Variants in ADAMTS12 observed in about 807,000 individuals in gnomAD.
ADAMTS12 encodes the protein A disintegrin and metalloproteinase with thrombospondin motifs 12.
Under a neutral mutation model 167.8 loss-of-function variants are expected in ADAMTS12, and 118 were observed. The observed-to-expected ratio is 0.70, with a 90% CI of 0.61 to 0.82. The LOEUF is 0.82. Ranked by LOEUF, ADAMTS12 falls within the 40% of genes least tolerant of loss-of-function variation. The pLI, the probability that ADAMTS12 is intolerant of heterozygous loss-of-function variation, is 0.00. For synonymous variants in ADAMTS12, 704 were observed against 716.9 expected, an observed-to-expected ratio of 0.98 and a Z score of 0.29; for missense variants, 1,916 against 1,998.8, an observed-to-expected ratio of 0.96 and a Z score of 0.79.
At chr5:33,764,937 C>T (rs929006201) in intron 2 of ADAMTS12, among the ~76,000 whole-genome samples, 4 of 151,968 alleles carry the variant, frequency 2.6e-5, no homozygotes, top group South Asian at 4.1e-4. Context: ...TTTAAAGCAG[C>T]GCTATTCTGC....
intron 2 of ADAMTS12, among the ~76,000 whole-genome samples, chr5:33,753,228 A>G (rs1745057308): frequency 6.6e-6 from 1 of 152,362 alleles, no homozygotes; most frequent in African/African-American, 2.4e-5. Context: ...TTAACTACCA[A>G]CGCCAATAGC....
chr5:33,790,782 C>CATATATATATATATAT (rs10622464), intron 2 of ADAMTS12, among the ~76,000 whole-genome samples: 164 of 133,990 alleles, frequency 1.2e-3, no homozygotes, highest in African/African-American at 4.5e-3. Flanking sequence ...GACATACAAA[C>CATATATATATATATAT]ATATATATAT....
chr5:33,585,182 G>A (rs1747284218), intron 18 of ADAMTS12, among the ~76,000 whole-genome samples: 1 of 152,044 alleles, frequency 6.6e-6, no homozygotes, highest in South Asian at 2.1e-4. Flanking sequence ...TTATTTTAAA[G>A]CTCTCATTGG....
chr5:33,561,084 A>C lies in ADAMTS12; in HGVS notation c.4068T>G (p.Pro1356=). Reference sequence around the variant, plus strand: ...AGGGACGGAGGTGGCATCTTTTTGCAGGGTCAGGTCTCTGGATGGCCGCAC... The same window carrying C: ...AGGGACGGAGGTGGCATCTTTTTGCCGGGTCAGGTCTCTGGATGGCCGCAC... ...SDCAAIQRPD[P]AKRCHLRPCA... The change falls in exon 20 of 24, where the codon CCT becomes CCG. Residue 1356 remains proline (P), a synonymous_variant. Transcript: ENST00000504830. 1 of 1,614,128 alleles carries C rather than the reference A, an allele frequency of 6.2e-7. No homozygotes were observed. Among genetic ancestry groups the C allele is most frequent in the Non-Finnish European group, 8.5e-7 (1 of 1,180,014 alleles).
chr5:33,860,263 T>C (rs1042582468), intron 2 of ADAMTS12, among the ~76,000 whole-genome samples: 1 of 151,882 alleles, frequency 6.6e-6, no homozygotes, highest in Non-Finnish European at 1.5e-5. Context: ...CTAAGAACCT[T>C]AAAAAAAGGT....
chr5:33,796,446 A>T (rs978147631), intron 2 of ADAMTS12, among the ~76,000 whole-genome samples: 1 of 152,208 alleles, frequency 6.6e-6, no homozygotes, highest in Non-Finnish European at 1.5e-5. Flanking sequence ...ATTTCATTTT[A>T]AAATTATGTA....
intron 11 of ADAMTS12, among the ~76,000 whole-genome samples, chr5:33,638,541 T>G (rs1740296728): frequency 1.3e-5 from 2 of 152,212 alleles, no homozygotes; most frequent in Non-Finnish European, 2.9e-5. Flanking sequence ...TCCACATGTC[T>G]ACATACTGCT....
intron 2 of ADAMTS12, among the ~76,000 whole-genome samples, chr5:33,856,097 T>C (rs542118536): frequency 3.9e-5 from 6 of 152,298 alleles, no homozygotes; most frequent in Middle Eastern, 6.8e-3. Context: ...TCACTGGAGA[T>C]AGAAGCAAAA....
chr5:33,679,671 G>T (rs978976267), intron 5 of ADAMTS12, among the ~76,000 whole-genome samples: 2 of 152,088 alleles, frequency 1.3e-5, no homozygotes, highest in Non-Finnish European at 2.9e-5. Context: ...CTATACTCAT[G>T]CCAATCTCAA....
intron 2 of ADAMTS12, among the ~76,000 whole-genome samples, chr5:33,842,641 G>C (rs13184475): frequency 0.22 from 33,458 of 152,188 alleles, 4,261 homozygotes; most frequent in Middle Eastern, 0.3. Flanking sequence ...GGGGCAGCTG[G>C]AAAAACAGAG....
In ADAMTS12 at chr5:33,826,648, T is replaced by C. The variant is rs545905218; in HGVS notation, c.489+54471A>G. Among the ~76,000 whole-genome samples, 7 of 152,018 alleles carry C rather than the reference T, an allele frequency of 4.6e-5. No individual in the cohort carries two copies. The South Asian group carries it at 1.5e-3, about 32-fold the overall frequency. On this transcript the variant is annotated intron_variant, in intron 2 of 23. Transcript: ENST00000504830. ...TTTGAAAACATAGAAATATTCTTGA[T>C]GAAAATGTGTACCACTGCCCATTAT...
intron 2 of ADAMTS12, chr5:33,840,300 G>C (rs1748701215): frequency 6.6e-6 from 1 of 152,230 alleles, no homozygotes; most frequent in East Asian, 1.9e-4. Flanking sequence ...CTCACTGTAT[G>C]TATTCAAATT....
At chr5:33,533,591 AG>A (rs1194316010) in intron 23 of ADAMTS12, among the ~76,000 whole-genome samples, 1 of 152,200 alleles carries the variant, frequency 6.6e-6, no homozygotes, top group Non-Finnish European at 1.5e-5. Flanking sequence ...AATGAGCTCT[AG>A]GTGGTTTCTT....
rs1165924119 is a variant in ADAMTS12 at position 33,649,844 on chromosome 5, G to A, written c.1191-147C>T. On this transcript the variant is annotated intron_variant, in intron 7 of 23. Transcript: ENST00000504830. The stretch of plus-strand genomic sequence containing the variant: ...GTTTGCAAAGTGAGACTTTGAAGTC[G>A]GAGGGGCATAGCTAATTTTCAAATG... 1.0e-5 allele frequency: 11 copies of A among 1,048,448 alleles called. No individual in the cohort carries two copies. In the East Asian group the frequency reaches 1.1e-4, roughly 10 times the overall value. The allele number at this position is 1,048,448 out of a possible 1,614,324, so 64.9% of individuals were successfully genotyped here.
At chr5:33,826,977 A>C (rs1748093654) in intron 2 of ADAMTS12, among the ~76,000 whole-genome samples, 1 of 151,900 alleles carries the variant, frequency 6.6e-6, no homozygotes, top group Non-Finnish European at 1.5e-5. Flanking sequence ...ATGAATACTA[A>C]AATTTAATGA....
chr5:33,820,550 C>T (rs758446936), intron 2 of ADAMTS12, among the ~76,000 whole-genome samples: 9 of 152,088 alleles, frequency 5.9e-5, no homozygotes, highest in Non-Finnish European at 8.8e-5. Context: ...GCCAGTAGAA[C>T]TGAAGTCGGT....
chr5:33,747,558 G>A (rs1744834517), intron 3 of ADAMTS12, among the ~76,000 whole-genome samples: 1 of 152,100 alleles, frequency 6.6e-6, no homozygotes, highest in Admixed American at 6.6e-5. Flanking sequence ...CCAGTACTGG[G>A]AATATCTATG....
At chr5:33,815,644 A>G (rs1320290838) in intron 2 of ADAMTS12, among the ~76,000 whole-genome samples, 1 of 152,226 alleles carries the variant, frequency 6.6e-6, no homozygotes, top group African/African-American at 2.4e-5. Flanking sequence ...CTTAGCTAGG[A>G]CATCAACGTT....
At chr5:33,577,292 G>C in intron 18 of ADAMTS12, 132 bp from the exon 19 acceptor site, 1 of 1,312,122 alleles carries the variant, frequency 7.6e-7, no homozygotes, top group Non-Finnish European at 1.0e-6. Context: ...ATCTACATTT[G>C]GTTTCTGTGC....
Sources: gnomAD v4.1 joint callset for allele counts (sites outside exome capture counted in the v4.1 genomes callset) on GRCh38, gnomAD v4.1.1 for gene constraint, MANE v1.5 for transcripts, NCBI Gene and HGNC (gene_info 2026-07-23, HGNC 2026-07-21) for gene names.